OXR1: variants seen among roughly 807,000 people sequenced by gnomAD.
OXR1 encodes the protein oxidation resistance protein 1.
In OXR1, 41 loss-of-function variants were observed where a neutral mutation model predicts 104.6. The ratio of observed to expected loss-of-function variants is 0.39; its 90% CI spans 0.31 to 0.51. The LOEUF is 0.51. OXR1 is among the 20% of genes least tolerant of loss of function. The pLI is 0.77. For synonymous variants in OXR1, 348 were observed against 348.4 expected (o/e 1.00, Z 0.01); for missense variants, 955 against 1,031.9 (o/e 0.93, Z 1.02).
At chr8:106,525,446 A>T (rs2960735) in intron 3 of OXR1, among the ~76,000 whole-genome samples, 1 of 152,234 alleles carries the variant, frequency 6.6e-6, no homozygotes, top group African/African-American at 2.4e-5. Flanking sequence ...ACCCCTCACC[A>T]TAAGTATACA....
chr8:106,656,821 TAAAA>T (rs79415263), intron 3 of OXR1, among the ~76,000 whole-genome samples: 1 of 118,810 alleles, frequency 8.4e-6, no homozygotes, highest in African/African-American at 3.1e-5. Flanking sequence ...GTCAACCAGT[TAAAA>T]AAAAAAAAAA....
intron 9 of OXR1, among the ~76,000 whole-genome samples, chr8:106,709,904 T>C (rs1831525007): frequency 6.6e-6 from 1 of 152,098 alleles, no homozygotes; most frequent in Non-Finnish European, 1.5e-5. Flanking sequence ...CCATAGATTA[T>C]CTACCTTGTG....
At chr8:106,613,691 G>A (rs1820978613) in intron 3 of OXR1, among the ~76,000 whole-genome samples, 1 of 152,214 alleles carries the variant, frequency 6.6e-6, no homozygotes, top group South Asian at 2.1e-4. Flanking sequence ...GAGCCACTGA[G>A]CCCAGCCTGT....
intron 3 of OXR1, among the ~76,000 whole-genome samples, chr8:106,523,251 T>C (rs1813390485): frequency 6.6e-6 from 1 of 152,216 alleles, no homozygotes; most frequent in Non-Finnish European, 1.5e-5. Context: ...ATTCATGTTA[T>C]TGAGTCAGGA....
intron 3 of OXR1, among the ~76,000 whole-genome samples, chr8:106,526,828 C>T (rs1813723543): frequency 1.3e-5 from 2 of 152,322 alleles, no homozygotes; most frequent in South Asian, 2.1e-4. Context: ...TAGGCGTGAG[C>T]CACCGCGCCA....
intron 3 of OXR1, among the ~76,000 whole-genome samples, chr8:106,589,795 T>C (rs1818935526): frequency 6.6e-6 from 1 of 152,108 alleles, no homozygotes; most frequent in Non-Finnish European, 1.5e-5. Flanking sequence ...GCCTCCTGAG[T>C]AGCTGGGATT....
At chr8:106,522,507 A>G (rs541175446) in intron 3 of OXR1, among the ~76,000 whole-genome samples, 90 of 152,208 alleles carry the variant, frequency 5.9e-4, no homozygotes, top group Non-Finnish European at 1.0e-3. Flanking sequence ...GCCTACAGAT[A>G]TGGAGGGATG....
At chr8:106,620,031 T>G (rs1821567847) in intron 3 of OXR1, among the ~76,000 whole-genome samples, 1 of 152,168 alleles carries the variant, frequency 6.6e-6, no homozygotes, top group Admixed American at 6.6e-5. Flanking sequence ...CAGTGGTCAT[T>G]GTTGTGAAAC....
intron 2 of OXR1, among the ~76,000 whole-genome samples, chr8:106,404,805 A>C (rs183070358): frequency 6.6e-6 from 1 of 152,114 alleles, no homozygotes; most frequent in African/African-American, 2.4e-5. Flanking sequence ...TCCCAGGTTC[A>C]TGCCTTTGTC....
chr8:106,420,644 C>A (rs1275543131), intron 2 of OXR1, among the ~76,000 whole-genome samples: 1 of 151,404 alleles, frequency 6.6e-6, no homozygotes, highest in Non-Finnish European at 1.5e-5. Flanking sequence ...GATATCACAT[C>A]ATAATTAGTA....
chr8:106,532,534 A>G (rs1385233028), intron 3 of OXR1, among the ~76,000 whole-genome samples: 5 of 152,200 alleles, frequency 3.3e-5, no homozygotes, highest in Non-Finnish European at 7.3e-5. Context: ...CAGTAAGCAC[A>G]CAATAAATGT....
intron 2 of OXR1, among the ~76,000 whole-genome samples, chr8:106,426,447 C>T (rs896557658): frequency 6.6e-6 from 1 of 151,748 alleles, no homozygotes; most frequent in African/African-American, 2.4e-5. Context: ...GTTTTCTGTT[C>T]TTCAGGAAGT....
chr8:106,439,642 C>T (rs1819708420), intron 2 of OXR1, among the ~76,000 whole-genome samples: 1 of 152,028 alleles, frequency 6.6e-6, no homozygotes, highest in Non-Finnish European at 1.5e-5. Flanking sequence ...TCACTGCCCA[C>T]CCCACCTCAA....
intron 2 of OXR1, among the ~76,000 whole-genome samples, chr8:106,455,059 G>A (rs1376498941): frequency 6.6e-6 from 1 of 152,134 alleles, no homozygotes; most frequent in Non-Finnish European, 1.5e-5. Context: ...ATTAAATATG[G>A]TTTGATATAT....
intron 3 of OXR1, among the ~76,000 whole-genome samples, chr8:106,619,113 A>T (rs1821480019): frequency 6.6e-6 from 1 of 152,210 alleles, no homozygotes; most frequent in Non-Finnish European, 1.5e-5. Context: ...AAAAGAAGTA[A>T]TTACCATTAC....
chr8:106,464,028 C>G (rs909414572), intron 2 of OXR1, among the ~76,000 whole-genome samples: 11 of 151,992 alleles, frequency 7.2e-5, no homozygotes, highest in Non-Finnish European at 8.8e-5. Context: ...TTTATCTCTA[C>G]AGTTAAGTGA....
At chr8:106,315,719 A>G (rs553964941) in intron 1 of OXR1, among the ~76,000 whole-genome samples, 6 of 152,336 alleles carry the variant, frequency 3.9e-5, no homozygotes, top group African/African-American at 1.2e-4. Context: ...TCCATTTCGT[A>G]GAAAGGAAAC....
At chr8:106,560,727 C>T (rs540429963) in intron 3 of OXR1, among the ~76,000 whole-genome samples, 122 of 152,258 alleles carry the variant, frequency 8.0e-4, no homozygotes, top group Middle Eastern at 3.4e-3. Context: ...TAGAATGTGT[C>T]GAATAGGAAC....
chr8:106,664,184 G>A (rs1242030621), intron 3 of OXR1, among the ~76,000 whole-genome samples: 1 of 152,188 alleles, frequency 6.6e-6, no homozygotes, highest in East Asian at 1.9e-4. Context: ...ATTGCTGCTT[G>A]TCTCACAGGA....
Sources: allele counts gnomAD v4.1 joint callset (sites outside exome capture counted in the v4.1 genomes callset), GRCh38; gene constraint gnomAD v4.1.1; transcripts MANE v1.5; gene names NCBI Gene and HGNC (gene_info 2026-07-23, HGNC 2026-07-21).